The following CARS2 variants were observed in gnomAD, a reference collection of about 807,000 sequenced individuals.
The protein encoded by CARS2 is probable cysteine--tRNA ligase, mitochondrial.
A neutral mutation model predicts 68.8 loss-of-function variants in CARS2; 52 were observed. The ratio of observed to expected loss-of-function variants is 0.76; its 90% CI spans 0.61 to 0.95. The LOEUF is 0.95. CARS2 is among the 40% of genes least tolerant of loss of function. CARS2 has a pLI of 0.00. For missense variants in CARS2, 780 were observed against 754.2 expected, an observed-to-expected ratio of 1.03 and a Z score of -0.40; for synonymous variants, 314 against 303.6, an observed-to-expected ratio of 1.03 and a Z score of -0.36.
chr13:110,661,810 G>C (rs1188850094), intron 9 of CARS2, among the ~76,000 whole-genome samples: 1 of 152,086 alleles, frequency 6.6e-6, no homozygotes, highest in Non-Finnish European at 1.5e-5. Flanking sequence ...TCCAAGGAGG[G>C]GCAGATTTAA....
intron 9 of CARS2, among the ~76,000 whole-genome samples, chr13:110,658,394 G>A (rs1457078108): frequency 6.6e-6 from 1 of 152,162 alleles, no homozygotes; most frequent in Non-Finnish European, 1.5e-5. Flanking sequence ...AAGTTGTTCA[G>A]TGAGTCCACA....
chr13:110,713,057 C>T (rs750153401), intron 1 of CARS2: 28 of 1,461,556 alleles, frequency 1.9e-5, no homozygotes, highest in Non-Finnish European at 2.5e-5. Context: ...CCACTTCCGC[C>T]CGTGCCCGGC....
At chr13:110,664,142 C>T in intron 8 of CARS2, 1 of 985,212 alleles carries the variant, frequency 1.0e-6, no homozygotes, top group Non-Finnish European at 1.2e-6. Context: ...TTTTACAAGG[C>T]TTATCTCCAA....
chr13:110,652,416 A>G (rs1203631848), intron 9 of CARS2, among the ~76,000 whole-genome samples: 2 of 152,250 alleles, frequency 1.3e-5, no homozygotes, highest in Non-Finnish European at 2.9e-5. Context: ...GCTGCTCAAC[A>G]ACCCTACTGA....
Position 110,647,256 on chromosome 13 carries a change from G to T in CARS2, c.1055-17C>A. 1 of 1,608,554 alleles carries T rather than the reference G, an allele frequency of 6.2e-7. No individual in the cohort carries two copies. Among genetic ancestry groups the T allele is most frequent in the Non-Finnish European group, 8.5e-7 (1 of 1,176,712 alleles). On this transcript the variant is annotated splice_polypyrimidine_tract_variant and intron_variant, in intron 10 of 14. Coordinates refer to ENST00000257347, the MANE Select transcript of CARS2 (RefSeq NM_024537.4). Reference sequence around the variant, plus strand: ...AGTCGATGGCTGAGGAGGAAGAGATGGTCACTGAGGCGGTGCCCACCATGC... The same window carrying T: ...AGTCGATGGCTGAGGAGGAAGAGATTGTCACTGAGGCGGTGCCCACCATGC...
chr13:110,665,382 G>A lies in CARS2; in HGVS notation c.920-1864C>T, dbSNP rs2062620322. ...AATTGCTTGAACCCAGGAGGCAGAG[G>A]TTGCGGTGAGCTCAGATAGTGCCAC... On this transcript the variant is annotated intron_variant, in intron 8 of 14. Coordinates refer to ENST00000257347, the MANE Select transcript of CARS2 (RefSeq NM_024537.4). The surrounding 1 kb of genome is among the most constrained non-coding windows in gnomAD (Gnocchi z 4.3). 1 of 906,184 alleles carries A rather than the reference G, an allele frequency of 1.1e-6. No homozygotes were observed. Among genetic ancestry groups the A allele is most frequent in the African/African-American group, 1.8e-5 (1 of 55,800 alleles). The allele number at this position is 906,184 out of a possible 1,614,324, so 56.1% of individuals were successfully genotyped here. A position where few individuals can be genotyped will look rare whatever the true frequency, so the allele number is the denominator to read the frequency against.
At position 110,679,617 on chromosome 13, in the gene CARS2, GA is replaced by G. The variant is rs1566712790; in HGVS notation, c.656-2515del. Among the ~76,000 whole-genome samples, 55 of 140,786 alleles carry G rather than the reference GA, an allele frequency of 3.9e-4. No homozygotes were observed. In the South Asian group the frequency reaches 4.7e-3, roughly 12 times the overall value. 92.4% of individuals were successfully genotyped at this position (140,786 alleles called of 152,430 possible). ...AAAGAAAGAGAGAGAGAGAGAGAGA[GA>G]GAGAGAGGGAGGGAGGGACACCGGG... is the stretch of plus-strand genomic sequence containing the variant. On this transcript the variant is annotated intron_variant, in intron 6 of 14. Coordinates refer to ENST00000257347, the MANE Select transcript of CARS2 (RefSeq NM_024537.4).
At chr13:110,645,936 G>A in intron 12 of CARS2, 31 bp downstream of exon 12, 4 of 1,604,314 alleles carry the variant, frequency 2.5e-6, no homozygotes, top group Non-Finnish European at 3.4e-6. Context: ...CCTGGCAGCA[G>A]GACCGCAAGG....
chr13:110,642,273 C>CG (rs759647154), intron 14 of CARS2, 42 bp downstream of exon 14: 3 of 1,492,704 alleles, frequency 2.0e-6, no homozygotes, highest in South Asian at 2.4e-5. Context: ...TTGACCTACC[C>CG]GGCTCCTGGG....
chr13:110,647,457 C>T (rs1414550027), intron 10 of CARS2, among the ~76,000 whole-genome samples: 1 of 152,236 alleles, frequency 6.6e-6, no homozygotes. Context: ...CGTGGGAGAA[C>T]AAGGTGGCGG....
rs557670498 is a variant in CARS2, at chr13:110,691,206, G to A, written c.394-3188C>T. Among the ~76,000 whole-genome samples the A allele has an allele frequency of 3.9e-5, 6 of 152,252 alleles. No individual in the cohort carries two copies. The South Asian group carries it at 8.3e-4, about 21-fold the overall frequency. ...AATTTTTGTATTTTTAGTAAAGATG[G>A]GGTTTTTCCTTGTTGGCCAGGCTGG... is the stretch of plus-strand genomic sequence containing the variant. On this transcript the variant is annotated intron_variant, in intron 3 of 14. Transcript: ENST00000257347.
chr13:110,705,760 G>A lies in CARS2; in HGVS notation c.224+110C>T, dbSNP rs780038040. 11 of 1,534,006 alleles carry A rather than the reference G, an allele frequency of 7.2e-6. 1 individual carries two copies. The South Asian group carries it at 8.4e-5, about 12-fold the overall frequency. ...GCGCACCCCCAGCTTCTAGAACGGCGCCCTCCATGCAGCTTCCTAAACGCC... is the reference window on the plus strand; with the variant it reads ...GCGCACCCCCAGCTTCTAGAACGGCACCCTCCATGCAGCTTCCTAAACGCC... On this transcript the variant is annotated intron_variant, in intron 1 of 14. Transcript: ENST00000257347. This position sits in a 1 kb window ranked among gnomAD's most constrained non-coding sequence, Gnocchi z 4.0.
rs1566633016 is a variant in CARS2, at chr13:110,642,547, T to TC, written c.1417-27dup. The TC allele has an allele frequency of 3.1e-6, 5 of 1,599,190 alleles. No individual in the cohort carries two copies. In the East Asian group the frequency reaches 6.8e-5, roughly 22 times the overall value. On this transcript the variant is annotated intron_variant, in intron 13 of 14. Coordinates refer to ENST00000257347, the MANE Select transcript of CARS2 (RefSeq NM_024537.4). ...CTGAAGCCAGCAGGGCGCGGTTACG[T>TC]CCCCCGGAGACTGTGGATTGTGGAT...
At chr13:110,713,058 C>CGTGCCCGGCCCTCCCCTTCCTTCCGCCT in intron 1 of CARS2, 2 of 1,460,562 alleles carry the variant, frequency 1.4e-6, no homozygotes, top group Non-Finnish European at 9.1e-7. Context: ...CACTTCCGCC[C>CGTGCCCGGCCCTCCCCTTCCTTCCGCCT]GTGCCCGGCC....
In CARS2 at chr13:110,693,411, G is replaced by C. The variant is rs1390717167; in HGVS notation, c.394-5393C>G. Among the ~76,000 whole-genome samples the C allele has an allele frequency of 9.9e-5, 15 of 152,156 alleles. No homozygotes were observed. The East Asian group carries it at 2.7e-3, about 28-fold the overall frequency. ...GTCTCGCTCTGTCGCCCAGGCTGGA[G>C]TGCAGTGGCGCAATCTCGGCTCACT... On this transcript the variant is annotated intron_variant, in intron 3 of 14. Transcript: ENST00000257347.
At chr13:110,707,517 TG>T (rs1264381897), upstream of CARS2, 2 of 151,954 alleles carry the variant, frequency 1.3e-5, no homozygotes, top group African/African-American at 4.8e-5. Context: ...CGTGGTGGCG[TG>T]CATCTGTAGT....
intron 9 of CARS2, among the ~76,000 whole-genome samples, chr13:110,662,296 G>A (rs376925364): frequency 0.2 from 30,476 of 149,080 alleles, 3,549 homozygotes; most frequent in Admixed American, 0.3. Context: ...CCCCCTCTGC[G>A]TCATGCAACC....
intron 3 of CARS2, among the ~76,000 whole-genome samples, chr13:110,701,135 T>G (rs1229754610): frequency 6.6e-6 from 1 of 152,054 alleles, no homozygotes; most frequent in African/African-American, 2.4e-5. Context: ...CAATCTCCGC[T>G]CATTGCAACC....
At chr13:110,646,889 T>A (rs1321942306) in intron 11 of CARS2, 1 of 525,442 alleles carries the variant, frequency 1.9e-6, no homozygotes, top group South Asian at 3.2e-5. Flanking sequence ...CAGCTCCCAG[T>A]CCCCTGTGGC....
Sources: gnomAD v4.1 joint callset for allele counts (sites outside exome capture counted in the v4.1 genomes callset) on GRCh38, gnomAD v4.1.1 for gene constraint, Gnocchi (gnomAD v3.1) non-coding constraint, MANE v1.5 for transcripts, NCBI Gene and HGNC (gene_info 2026-07-23, HGNC 2026-07-21) for gene names.